Variants in PTGER3 observed in about 807,000 individuals in gnomAD.
PTGER3 encodes the protein prostaglandin E receptor 3, also known as prostaglandin E2 receptor EP3 subtype.
A neutral mutation model predicts 34.7 loss-of-function variants in PTGER3; 22 were observed. The ratio of observed to expected loss-of-function variants is 0.63; its 90% CI spans 0.45 to 0.91. PTGER3 has a LOEUF of 0.91. PTGER3 is among the 40% of genes least tolerant of loss of function. The pLI is 0.00. For synonymous variants in PTGER3, 241 were observed against 230.1 expected (o/e 1.05, Z -0.43); for missense variants, 468 against 519.4 (o/e 0.90, Z 0.96).
At chr1:70,908,053 A>T (rs893674469) in intron 4 of PTGER3, among the ~76,000 whole-genome samples, 5 of 152,170 alleles carry the variant, frequency 3.3e-5, no homozygotes, top group East Asian at 1.9e-4. Context: ...ACAGGCTTCC[A>T]ATAGTCGGCA....
chr1:70,872,635 A>C (rs1490408553), intron 4 of PTGER3, among the ~76,000 whole-genome samples: 1 of 152,230 alleles, frequency 6.6e-6, no homozygotes, highest in Non-Finnish European at 1.5e-5. Context: ...TTTGACGCCA[A>C]GGTTTGTGTA....
chr1:70,918,374 G>A (rs1647250384), intron 4 of PTGER3, among the ~76,000 whole-genome samples: 1 of 151,924 alleles, frequency 6.6e-6, no homozygotes, highest in East Asian at 1.9e-4. Flanking sequence ...AAAAGCACAG[G>A]CGAGCAACAA....
intron 4 of PTGER3, among the ~76,000 whole-genome samples, chr1:70,897,410 C>T (rs1646744543): frequency 6.6e-6 from 1 of 152,112 alleles, no homozygotes. Context: ...CTACAATAAC[C>T]ACTAAGTGAT....
chr1:70,889,569 G>A lies in PTGER3; in HGVS notation c.*24-36710C>T, dbSNP rs553893863. On this transcript the variant is annotated intron_variant, in intron 4 of 4. Transcript: ENST00000370931. ...TAAAATTACATATAAATATTACCAT[G>A]GCTCACATTCAGAGAAAATTAAATG... 2.6e-5 allele frequency among the ~76,000 whole-genome samples: 4 copies of A among 152,104 alleles called. No homozygotes were observed. The East Asian group carries it at 7.7e-4, about 29-fold the overall frequency.
chr1:70,875,613 T>G (rs1277811812), intron 4 of PTGER3, among the ~76,000 whole-genome samples: 3 of 152,134 alleles, frequency 2.0e-5, no homozygotes, highest in Non-Finnish European at 4.4e-5. Context: ...TTCAAATCTC[T>G]CCTTCCTCCC....
intron 4 of PTGER3, among the ~76,000 whole-genome samples, chr1:70,913,054 T>C (rs1422956252): frequency 6.6e-6 from 1 of 152,012 alleles, no homozygotes; most frequent in Non-Finnish European, 1.5e-5. Flanking sequence ...TGTTTTAAAT[T>C]GCCTTGAATT....
intron 4 of PTGER3, among the ~76,000 whole-genome samples, chr1:70,907,849 A>C (rs2100373177): frequency 6.6e-6 from 1 of 152,306 alleles, no homozygotes; most frequent in East Asian, 1.9e-4. Context: ...TGTGAGCTGA[A>C]AGCGGACTGC....
intron 2 of PTGER3, chr1:71,011,147 G>T: frequency 3.0e-6 from 3 of 985,588 alleles, no homozygotes; most frequent in South Asian, 4.7e-5. Flanking sequence ...GCACAAATAC[G>T]TCAAGCTTAG....
At chr1:71,024,645 CTTTTTTTT>C (rs35271200) in intron 1 of PTGER3, among the ~76,000 whole-genome samples, 50,032 of 117,884 alleles carry the variant, frequency 0.42, 9,821 homozygotes, top group South Asian at 0.53. Flanking sequence ...CCTTTTCTTT[CTTTTTTTT>C]TTTTTTTTTT....
intron 4 of PTGER3, among the ~76,000 whole-genome samples, chr1:70,898,193 TCTC>T (rs908263994): frequency 5.3e-5 from 8 of 152,154 alleles, no homozygotes; most frequent in Admixed American, 1.3e-4. Flanking sequence ...AAGAAGGACT[TCTC>T]CTACATCCCT....
At chr1:70,884,601 C>A (rs925517016) in intron 4 of PTGER3, among the ~76,000 whole-genome samples, 1 of 152,106 alleles carries the variant, frequency 6.6e-6, no homozygotes, top group African/African-American at 2.4e-5. Flanking sequence ...CCTAGTGAGA[C>A]CCTGAGCTGA....
At chr1:71,033,081 C>T (rs746099104) in intron 1 of PTGER3, among the ~76,000 whole-genome samples, 7 of 152,138 alleles carry the variant, frequency 4.6e-5, no homozygotes, top group Non-Finnish European at 1.0e-4. Flanking sequence ...AAATTTACCT[C>T]CTAATTCTCT....
chr1:70,933,023 ATAT>A (rs776742811), intron 4 of PTGER3, among the ~76,000 whole-genome samples: 2 of 152,244 alleles, frequency 1.3e-5, no homozygotes, highest in Non-Finnish European at 2.9e-5. Context: ...TTATATTTTA[ATAT>A]TATATCTATT....
intron 2 of PTGER3, among the ~76,000 whole-genome samples, chr1:70,994,639 G>A (rs1486603713): frequency 1.3e-5 from 2 of 151,958 alleles, no homozygotes; most frequent in Non-Finnish European, 2.9e-5. Context: ...TGTATTTTTA[G>A]TAGAGACAGG....
intron 1 of PTGER3, among the ~76,000 whole-genome samples, chr1:71,025,015 G>T (rs977129309): frequency 3.3e-5 from 5 of 151,110 alleles, no homozygotes; most frequent in Non-Finnish European, 7.4e-5. Context: ...CCATTAACTC[G>T]TCATTTAACA....
At chr1:70,974,228 T>C in intron 3 of PTGER3, 69 bp downstream of exon 3, 3 of 1,579,042 alleles carry the variant, frequency 1.9e-6, no homozygotes, top group Non-Finnish European at 2.6e-6. Flanking sequence ...CTTTGTAGCA[T>C]CAACTCCGAT....
At chr1:70,860,776 G>T (rs1260877314) in intron 4 of PTGER3, among the ~76,000 whole-genome samples, 3 of 152,056 alleles carry the variant, frequency 2.0e-5, no homozygotes, top group African/African-American at 7.2e-5. Flanking sequence ...CCATGAAAGA[G>T]AACAGAGACT....
At chr1:71,033,586 C>T (rs1659581946) in intron 1 of PTGER3, among the ~76,000 whole-genome samples, 2 of 152,332 alleles carry the variant, frequency 1.3e-5, no homozygotes, top group South Asian at 4.1e-4. Context: ...TAGAACTGTG[C>T]CTGACACATT....
At chr1:70,952,501 CT>C (rs2100588607) in exon 4 of PTGER3, 1 of 987,532 alleles carries the variant, frequency 1.0e-6, no homozygotes, top group South Asian at 4.7e-5. Flanking sequence ...AACCCATAAC[CT>C]TATGTCACTG....
Sources: allele counts gnomAD v4.1 joint callset (sites outside exome capture counted in the v4.1 genomes callset), GRCh38; gene constraint gnomAD v4.1.1; transcripts MANE v1.5; gene names NCBI Gene and HGNC (gene_info 2026-07-23, HGNC 2026-07-21).